Variants in MYRIP observed in about 807,000 individuals in gnomAD.
The protein encoded by MYRIP is rab effector MyRIP.
MYRIP carries 49 observed loss-of-function variants against 98.0 expected under a neutral mutation model. The ratio of observed to expected loss-of-function variants is 0.50; its 90% CI spans 0.40 to 0.63. The LOEUF (loss-of-function observed/expected upper bound fraction) is 0.63. Ranked by LOEUF, MYRIP falls within the 30% of genes least tolerant of loss-of-function variation. The pLI is 0.00. For missense variants in MYRIP, 1,004 were observed against 1,058.2 expected (o/e 0.95, Z 0.71); for synonymous variants, 404 against 409.5 (o/e 0.99, Z 0.16).
intron 8 of MYRIP, among the ~76,000 whole-genome samples, chr3:40,178,746 A>T (rs904778177): frequency 6.6e-6 from 1 of 152,184 alleles, no homozygotes; most frequent in Non-Finnish European, 1.5e-5. Context: ...TTTTTCCAAG[A>T]TCCCACATAG....
chr3:39,888,689 T>G (rs1042415036), intron 1 of MYRIP, among the ~76,000 whole-genome samples: 3 of 152,100 alleles, frequency 2.0e-5, no homozygotes, highest in South Asian at 4.1e-4. Flanking sequence ...GGGATCTAAT[T>G]AAACTAAAGA....
intron 3 of MYRIP, among the ~76,000 whole-genome samples, chr3:40,070,820 A>G (rs1169681744): frequency 2.0e-5 from 3 of 152,188 alleles, no homozygotes; most frequent in Non-Finnish European, 2.9e-5. Flanking sequence ...GGAGCAAGAA[A>G]TCTAGGCTCC....
chr3:40,190,119 T>C lies in MYRIP; in HGVS notation c.1321T>C (p.Ser441Pro). The C allele has an allele frequency of 6.2e-7, 1 of 1,613,832 alleles. No homozygotes were observed. Among genetic ancestry groups the C allele is most frequent in the Non-Finnish European group, 8.5e-7 (1 of 1,179,912 alleles). Residue 441 changes from serine (S) to proline (P), a missense_variant, in exon 10 of 17, where the codon TCC (serine) becomes CCC (proline). Ser to Pro is a moderately conservative substitution (Grantham distance 74). Transcript: ENST00000302541. ...SDQGPIAASP[S>P]SALSPNPEAM... ...CCAAGGCCCCATAGCTGCCTCCCCA[T>C]CCTCTGCACTCTCCCCCAACCCTGA... is the stretch of plus-strand genomic sequence containing the variant.
rs201346734 is a variant in MYRIP, at chr3:40,179,299, G to C, written c.874-2921G>C. 2.6e-5 allele frequency among the ~76,000 whole-genome samples: 4 copies of C among 152,206 alleles called. No homozygotes were observed. In the East Asian group the frequency reaches 7.7e-4, roughly 29 times the overall value. On this transcript the variant is annotated intron_variant, in intron 8 of 16. Transcript: ENST00000302541. ...CTGCTGGGCCTTTTGTGGTTGTCAG[G>C]GTGTAGCTTTTTTCTAGTGTGGAAC...
intron 1 of MYRIP, among the ~76,000 whole-genome samples, chr3:39,830,474 T>C (rs953874601): frequency 6.6e-6 from 1 of 152,178 alleles, no homozygotes; most frequent in Non-Finnish European, 1.5e-5. Flanking sequence ...CTCGTCACCA[T>C]TCTCACTCTT....
chr3:39,867,522 A>G (rs1179139484), intron 1 of MYRIP, among the ~76,000 whole-genome samples: 1 of 152,208 alleles, frequency 6.6e-6, no homozygotes, highest in African/African-American at 2.4e-5. Context: ...ATGAATAGAC[A>G]TACAAATGGC....
chr3:39,933,952 C>T (rs369201480), intron 2 of MYRIP, among the ~76,000 whole-genome samples: 2 of 152,116 alleles, frequency 1.3e-5, no homozygotes, highest in African/African-American at 4.8e-5. Context: ...AGGAAGGCTC[C>T]TAGAAAACAA....
intron 8 of MYRIP, 93 bp downstream of exon 8, chr3:40,170,186 C>T: frequency 2.0e-6 from 3 of 1,493,630 alleles, no homozygotes; most frequent in Non-Finnish European, 2.7e-6. Context: ...GGCCACTGGC[C>T]AGGGTAAAAA....
chr3:39,925,379 T>C (rs1236664418), intron 2 of MYRIP, among the ~76,000 whole-genome samples: 3 of 152,026 alleles, frequency 2.0e-5, no homozygotes, highest in Non-Finnish European at 4.4e-5. Context: ...TGCAGATTTG[T>C]TATGGGGGTA....
chr3:39,962,288 T>C lies in MYRIP; in HGVS notation c.110+61362T>C, dbSNP rs541963283. On this transcript the variant is annotated intron_variant, in intron 2 of 16. Coordinates refer to ENST00000302541, the MANE Select transcript of MYRIP (RefSeq NM_015460.4). The stretch of plus-strand genomic sequence containing the variant: ...ATCCCTCAGTAAGTGTCAGTGGTTA[T>C]TGTGTCTAAACCCCTGACCTGTTGT... Among the ~76,000 whole-genome samples the C allele has an allele frequency of 9.9e-5, 15 of 152,236 alleles. No homozygotes were observed. The South Asian group carries it at 2.7e-3, about 27-fold the overall frequency.
At chr3:39,945,515 A>G (rs1417105688) in intron 2 of MYRIP, among the ~76,000 whole-genome samples, 1 of 150,570 alleles carries the variant, frequency 6.6e-6, no homozygotes, top group Admixed American at 6.6e-5. Flanking sequence ...AAAAGAATGT[A>G]TCTTTGACAC....
chr3:40,193,441 A>G (rs114459872), intron 10 of MYRIP, among the ~76,000 whole-genome samples: 2 of 152,170 alleles, frequency 1.3e-5, no homozygotes, highest in Non-Finnish European at 2.9e-5. Flanking sequence ...AATGATGGGT[A>G]TTTAAAGACT....
intron 2 of MYRIP, among the ~76,000 whole-genome samples, chr3:39,914,865 A>G (rs1228631921): frequency 1.3e-5 from 2 of 152,000 alleles, no homozygotes; most frequent in Non-Finnish European, 2.9e-5. Context: ...TGACTATCAC[A>G]TTTGCCCAAA....
At chr3:40,257,347 T>C (rs972796091) in intron 16 of MYRIP, among the ~76,000 whole-genome samples, 3 of 151,978 alleles carry the variant, frequency 2.0e-5, no homozygotes, top group Non-Finnish European at 4.4e-5. Flanking sequence ...AAATAACAGG[T>C]AGGTTTTGTG....
At chr3:40,186,231 C>T (rs1215050716) in intron 9 of MYRIP, among the ~76,000 whole-genome samples, 3 of 152,098 alleles carry the variant, frequency 2.0e-5, no homozygotes, top group Non-Finnish European at 2.9e-5. Context: ...GCCCAGAGGA[C>T]TTTTCCTTTC....
At chr3:39,941,310 A>C (rs1944778345) in intron 2 of MYRIP, among the ~76,000 whole-genome samples, 1 of 152,064 alleles carries the variant, frequency 6.6e-6, no homozygotes, top group South Asian at 2.1e-4. Context: ...CTAATAGAGT[A>C]AAAATTCACT....
At chr3:40,124,473 C>T (rs1262334789) in intron 3 of MYRIP, among the ~76,000 whole-genome samples, 3 of 152,186 alleles carry the variant, frequency 2.0e-5, no homozygotes, top group Admixed American at 1.3e-4. Flanking sequence ...GTGGTCAGGG[C>T]TGGTGCTGGT....
chr3:40,089,245 C>T (rs1948694072), intron 3 of MYRIP, among the ~76,000 whole-genome samples: 2 of 152,142 alleles, frequency 1.3e-5, no homozygotes, highest in African/African-American at 4.8e-5. Context: ...CAACTTAATC[C>T]AAAACTGGAC....
At chr3:39,905,288 A>G (rs1038815128) in intron 2 of MYRIP, among the ~76,000 whole-genome samples, 2 of 152,230 alleles carry the variant, frequency 1.3e-5, no homozygotes, top group African/African-American at 4.8e-5. Context: ...TTGGTCCTTT[A>G]GACCTCCTGG....
Sources: gnomAD v4.1 joint callset for allele counts (sites outside exome capture counted in the v4.1 genomes callset) on GRCh38, gnomAD v4.1.1 for gene constraint, MANE v1.5 for transcripts, NCBI Gene and HGNC (gene_info 2026-07-23, HGNC 2026-07-21) for gene names.